Variants in VPS13C observed in about 807,000 individuals in gnomAD.
VPS13C encodes the protein intermembrane lipid transfer protein VPS13C.
In VPS13C, 358 loss-of-function variants were observed where a neutral mutation model predicts 456.8. The ratio of observed to expected loss-of-function variants is 0.78; its 90% CI spans 0.72 to 0.86. VPS13C has a LOEUF of 0.86. Ranked by LOEUF, VPS13C falls within the 40% of genes least tolerant of loss-of-function variation. VPS13C has a pLI of 0.00. For synonymous variants in VPS13C, 1,578 were observed against 1,486.7 expected (o/e 1.06, Z -1.41); for missense variants, 4,818 against 4,385.4 (o/e 1.10, Z -2.79).
At chr15:62,024,386 T>C (rs1219151185) in intron 6 of VPS13C, among the ~76,000 whole-genome samples, 1 of 152,072 alleles carries the variant, frequency 6.6e-6, no homozygotes, top group Non-Finnish European at 1.5e-5. Context: ...CATTGGACTG[T>C]ACACTGAATT....
At chr15:61,865,512 T>C (rs1894479168) in intron 81 of VPS13C, 1 of 959,476 alleles carries the variant, frequency 1.0e-6, no homozygotes, top group Non-Finnish European at 1.2e-6. Context: ...ATTAAATGAC[T>C]ATATATACAT....
chr15:62,022,896 T>C (rs761147580), intron 8 of VPS13C, among the ~76,000 whole-genome samples: 1 of 151,936 alleles, frequency 6.6e-6, no homozygotes, highest in Non-Finnish European at 1.5e-5. Context: ...GTTACTCTTT[T>C]GGTTATGAGT....
chr15:62,044,624 G>T (rs971087832), intron 1 of VPS13C, among the ~76,000 whole-genome samples: 42 of 152,242 alleles, frequency 2.8e-4, no homozygotes, highest in Admixed American at 2.6e-4. Flanking sequence ...TACAAGGTCA[G>T]ATCAATCATC....
Position 62,037,317 on chromosome 15 carries a change from T to TA in VPS13C, c.188-2266_188-2265insT, listed in dbSNP as rs1451194241. ...ATTATATAATATATATATAAATATA[T>TA]TATATATTATATACATTTATATATA... On this transcript the variant is annotated intron_variant, in intron 3 of 84. Coordinates refer to ENST00000644861, the MANE Select transcript of VPS13C (RefSeq NM_020821.3). Among the ~76,000 whole-genome samples, 9 of 71,274 alleles carry TA rather than the reference T, an allele frequency of 1.3e-4. No individual in the cohort carries two copies. In the East Asian group the frequency reaches 2.8e-3, roughly 22 times the overall value. The allele number at this position is 71,274 out of a possible 152,430, so 46.8% of individuals were successfully genotyped here.
At chr15:61,872,176 C>A (rs1895084149) in intron 78 of VPS13C, 142 bp from the exon 79 acceptor site, 2 of 605,264 alleles carry the variant, frequency 3.3e-6, no homozygotes, top group East Asian at 5.6e-5. Flanking sequence ...ATGTGAACAA[C>A]ATACACATAT....
At chr15:61,963,283 T>C (rs1462576066) in intron 32 of VPS13C, among the ~76,000 whole-genome samples, 2 of 152,048 alleles carry the variant, frequency 1.3e-5, no homozygotes, top group Non-Finnish European at 2.9e-5. Flanking sequence ...ATATTCAACA[T>C]ATTCTTGACC....
chr15:61,867,256 A>G lies in VPS13C; in HGVS notation c.10863+1403T>C. On this transcript the variant is annotated intron_variant, in intron 81 of 84. Coordinates refer to ENST00000644861, the MANE Select transcript of VPS13C (RefSeq NM_020821.3). This position sits in a 1 kb window ranked among gnomAD's most constrained non-coding sequence, Gnocchi z 5.0. ...GAGATTCAATTTTTGAAAAGCAGAA[A>G]TGCTAAAGGCTGAAAATGTATATAA... 2 of 984,122 alleles carry G rather than the reference A, an allele frequency of 2.0e-6. No homozygotes were observed. Among genetic ancestry groups the G allele is most frequent in the Non-Finnish European group, 2.4e-6 (2 of 828,754 alleles). The allele number at this position is 984,122 out of a possible 1,614,324, so 61.0% of individuals were successfully genotyped here.
intron 31 of VPS13C, among the ~76,000 whole-genome samples, chr15:61,964,230 G>T (rs926422860): frequency 6.6e-6 from 1 of 151,980 alleles, no homozygotes; most frequent in Non-Finnish European, 1.5e-5. Flanking sequence ...TGTGTCTAAG[G>T]TTACATGGTT....
chr15:61,890,473 A>T (rs1338567794), intron 66 of VPS13C, 73 bp from the exon 67 acceptor site: 1 of 1,315,678 alleles, frequency 7.6e-7, no homozygotes, highest in Non-Finnish European at 1.0e-6. Context: ...CTATAATAAC[A>T]GAAAGATTAG....
At chr15:62,055,866 G>A (rs143387492) in intron 1 of VPS13C, among the ~76,000 whole-genome samples, 1 of 152,122 alleles carries the variant, frequency 6.6e-6, no homozygotes, top group African/African-American at 2.4e-5. Flanking sequence ...TCTTAGACTA[G>A]GGTTTCTCAA....
At chr15:61,992,968 C>T (rs932096117) in intron 16 of VPS13C, among the ~76,000 whole-genome samples, 1 of 151,950 alleles carries the variant, frequency 6.6e-6, no homozygotes, top group African/African-American at 2.4e-5. Flanking sequence ...CAGCAGAGAT[C>T]ATGATAAAGG....
chr15:61,936,278 T>A (rs1385776202), intron 48 of VPS13C, among the ~76,000 whole-genome samples: 2 of 152,194 alleles, frequency 1.3e-5, no homozygotes, highest in African/African-American at 4.8e-5. Flanking sequence ...TTTTCTCTCT[T>A]AATTAATTTG....
intron 1 of VPS13C, among the ~76,000 whole-genome samples, chr15:62,048,159 G>A (rs1478921289): frequency 6.6e-6 from 1 of 150,464 alleles, no homozygotes; most frequent in Non-Finnish European, 1.5e-5. Flanking sequence ...CAATGTGCAG[G>A]TTTGTTACAT....
intron 81 of VPS13C, chr15:61,864,903 G>T: frequency 4.1e-6 from 4 of 970,618 alleles, no homozygotes; most frequent in Non-Finnish European, 4.9e-6. Context: ...AAAATATTTA[G>T]ATCTGAAATG....
intron 2 of VPS13C, among the ~76,000 whole-genome samples, chr15:62,043,308 G>A (rs930951571): frequency 6.6e-6 from 1 of 152,148 alleles, no homozygotes; most frequent in Non-Finnish European, 1.5e-5. Context: ...AAAGATCAAA[G>A]AAATTAAGAA....
intron 1 of VPS13C, among the ~76,000 whole-genome samples, chr15:62,047,627 G>A (rs1325845600): frequency 1.3e-5 from 2 of 152,174 alleles, no homozygotes; most frequent in Admixed American, 1.3e-4. Flanking sequence ...GGAGGAATAA[G>A]CAGTATAATT....
chr15:61,940,415 T>G (rs2044380562), intron 47 of VPS13C, among the ~76,000 whole-genome samples: 2 of 152,226 alleles, frequency 1.3e-5, no homozygotes, highest in African/African-American at 2.4e-5. Context: ...ATTTGCATAT[T>G]TTTTATTTAT....
chr15:62,038,032 A>G (rs906100190), intron 3 of VPS13C, among the ~76,000 whole-genome samples: 1 of 152,176 alleles, frequency 6.6e-6, no homozygotes, highest in African/African-American at 2.4e-5. Context: ...TATTGAATAA[A>G]GAAAAAAGTG....
chr15:61,931,561 C>G (rs1235878701), intron 49 of VPS13C, among the ~76,000 whole-genome samples: 2 of 150,696 alleles, frequency 1.3e-5, no homozygotes, highest in African/African-American at 4.9e-5. Flanking sequence ...ATCAATTAAT[C>G]TAACTAATAA....
Sources: gnomAD v4.1 joint callset for allele counts (sites outside exome capture counted in the v4.1 genomes callset) on GRCh38, gnomAD v4.1.1 for gene constraint, Gnocchi (gnomAD v3.1) non-coding constraint, MANE v1.5 for transcripts, NCBI Gene and HGNC (gene_info 2026-07-23, HGNC 2026-07-21) for gene names.